The following REPS1 variants were observed in gnomAD, a reference collection of about 807,000 sequenced individuals.
The protein encoded by REPS1 is RALBP1 associated Eps domain containing 1.
Under a neutral mutation model 100.9 loss-of-function variants are expected in REPS1, and 39 were observed. That is an observed-to-expected ratio of 0.39 (90% CI 0.30 to 0.50). The LOEUF is 0.50. Among genes scored for constraint, REPS1 ranks in the 20% least tolerant of loss-of-function variants. The probability of loss-of-function intolerance (pLI) is 0.86; values close to 1 mark genes in which losing one functional copy is unlikely to be tolerated. For synonymous variants in REPS1, 324 were observed against 340.3 expected, an observed-to-expected ratio of 0.95 and a Z score of 0.53; for missense variants, 821 against 968.5, an observed-to-expected ratio of 0.85 and a Z score of 2.02.
intron 1 of REPS1, among the ~76,000 whole-genome samples, chr6:138,967,785 T>C (rs558038192): frequency 2.0e-5 from 3 of 152,234 alleles, no homozygotes; most frequent in South Asian, 2.1e-4. Flanking sequence ...ATAACAACAG[T>C]ATTAGCTAAC....
intron 8 of REPS1, among the ~76,000 whole-genome samples, chr6:138,936,006 G>A (rs1331512131): frequency 6.6e-6 from 1 of 152,082 alleles, no homozygotes; most frequent in African/African-American, 2.4e-5. Flanking sequence ...TCAAGATCCA[G>A]TACTGAACAA....
At chr6:138,920,806 C>A (rs1311221261) in intron 11 of REPS1, among the ~76,000 whole-genome samples, 1 of 152,084 alleles carries the variant, frequency 6.6e-6, no homozygotes, top group East Asian at 1.9e-4. Context: ...TAAAAACCCA[C>A]GGGGTATTAG....
rs116814498 is a variant in REPS1, at chr6:138,912,766, G to A, written c.1970C>T (p.Pro657Leu). ...TTAGCCAAGCCCTCGAAAACTGACCGGCAGGACTTCTGGATGTTTCTCGGC... is the reference window on the plus strand; with the variant it reads ...TTAGCCAAGCCCTCGAAAACTGACCAGCAGGACTTCTGGATGTTTCTCGGC... ...DEAEKHPEVL[P>L]AEKASDPASS... Residue 657 changes from proline to leucine, a missense_variant and splice_region_variant, in exon 16 of 20, where the codon CCG (proline) becomes CTG (leucine). By Grantham distance (98) the Pro-to-Leu change is moderately conservative (BLOSUM62 -3). Coordinates refer to ENST00000450536, the MANE Select transcript of REPS1 (RefSeq NM_001286611.2). 685 of 1,614,082 alleles carry A rather than the reference G, an allele frequency of 4.2e-4. 3 individuals are homozygous for A. The African/African-American group carries it at 7.8e-3, about 18-fold the overall frequency.
intron 1 of REPS1, among the ~76,000 whole-genome samples, chr6:138,981,372 C>G (rs977895344): frequency 4.7e-5 from 7 of 149,112 alleles, no homozygotes; most frequent in African/African-American, 1.8e-4. Flanking sequence ...ATTTCTTACA[C>G]AGAGGGAAAA....
chr6:138,971,888 G>GCTGT (rs1351006897), intron 1 of REPS1, among the ~76,000 whole-genome samples: 1 of 152,162 alleles, frequency 6.6e-6, no homozygotes, highest in Non-Finnish European at 1.5e-5. Flanking sequence ...GTCTATGAAT[G>GCTGT]CACAGCCAAG....
At chr6:138,949,889 G>T (rs1782903687) in intron 1 of REPS1, among the ~76,000 whole-genome samples, 1 of 152,110 alleles carries the variant, frequency 6.6e-6, no homozygotes, top group African/African-American at 2.4e-5. Flanking sequence ...GAATGCAGCA[G>T]ATGGAGCTGA....
At chr6:138,924,371 TTA>T (rs1479258930) in intron 10 of REPS1, among the ~76,000 whole-genome samples, 1 of 152,198 alleles carries the variant, frequency 6.6e-6, no homozygotes, top group African/African-American at 2.4e-5. Flanking sequence ...CCACATAATT[TTA>T]GACACTAGAG....
At chr6:138,939,047 G>A (rs1188884) in intron 8 of REPS1, among the ~76,000 whole-genome samples, 55,254 of 151,450 alleles carry the variant, frequency 0.36, 11,884 homozygotes, top group Admixed American at 0.51. Flanking sequence ...GGATACTGAC[G>A]GACCCACAGT....
At chr6:138,987,406 GC>G (rs1785331641) in intron 1 of REPS1, 123 bp downstream of exon 1, 1 of 1,085,754 alleles carries the variant, frequency 9.2e-7, no homozygotes, top group Non-Finnish European at 1.3e-6. Context: ...GCCCCTGCCC[GC>G]TGCGGGGACC....
At chr6:138,925,791 T>C (rs530086685) in intron 10 of REPS1, among the ~76,000 whole-genome samples, 65 of 152,270 alleles carry the variant, frequency 4.3e-4, no homozygotes, top group Non-Finnish European at 7.1e-4. Flanking sequence ...ATTAACTCTA[T>C]GGGGACAGAA....
intron 12 of REPS1, 90 bp downstream of exon 12, chr6:138,920,125 G>T: frequency 1.4e-6 from 1 of 725,462 alleles, no homozygotes. Context: ...ATCTAGTGAA[G>T]ACGGTATTAA....
chr6:138,979,376 T>C (rs1294440363), intron 1 of REPS1, among the ~76,000 whole-genome samples: 1 of 152,038 alleles, frequency 6.6e-6, no homozygotes, highest in Non-Finnish European at 1.5e-5. Context: ...AAGATTTCCT[T>C]TATATCCTCA....
chr6:138,938,005 CT>C (rs34900381), intron 8 of REPS1, among the ~76,000 whole-genome samples: 33 of 148,372 alleles, frequency 2.2e-4, no homozygotes, highest in Admixed American at 4.7e-4. Context: ...TCATCTTAAT[CT>C]TTTTTTTTTT....
At chr6:138,974,240 A>G (rs569837382) in intron 1 of REPS1, among the ~76,000 whole-genome samples, 1 of 152,182 alleles carries the variant, frequency 6.6e-6, no homozygotes, top group Non-Finnish European at 1.5e-5. Context: ...AACCTCAAGA[A>G]ATCTGTCTAC....
At chr6:138,983,511 T>C (rs570469915) in intron 1 of REPS1, among the ~76,000 whole-genome samples, 1 of 152,114 alleles carries the variant, frequency 6.6e-6, no homozygotes, top group Non-Finnish European at 1.5e-5. Flanking sequence ...CACAAGGTTG[T>C]TGCAAGAATC....
chr6:138,916,784 T>TACCAAA (rs1299202674), intron 13 of REPS1, among the ~76,000 whole-genome samples: 1 of 152,180 alleles, frequency 6.6e-6, no homozygotes. Flanking sequence ...ACTTCTTTGC[T>TACCAAA]ACCAAAGTCT....
Position 138,905,064 on chromosome 6 carries a change from T to C in REPS1, c.2391A>G (p.Ter797=). The change falls in exon 20 of 20, where the codon TAA becomes TAG. Residue 797 remains the stop codon, a stop_retained_variant. Coordinates refer to ENST00000450536, the MANE Select transcript of REPS1 (RefSeq NM_001286611.2). The part of the protein sequence containing the change: ...LEQLRPFSHL[*] ...ATGTTCACAGTTAACGGCAATTGGC[T>C]TATAGGTGAGAGAATGGTCGAAGTT... 1 of 1,613,922 alleles carries C rather than the reference T, an allele frequency of 6.2e-7. No homozygotes were observed. The highest frequency in any genetic ancestry group is 8.5e-7 in the Non-Finnish European group (1 of 1,179,852).
chr6:138,961,878 C>T (rs183454576), intron 1 of REPS1, among the ~76,000 whole-genome samples: 2 of 152,200 alleles, frequency 1.3e-5, no homozygotes, highest in Admixed American at 1.3e-4. Context: ...TATGAATTAG[C>T]AAAACTGGCA....
Position 138,962,562 on chromosome 6 carries a change from T to C in REPS1, c.154-14649A>G, listed in dbSNP as rs113777219. Among the ~76,000 whole-genome samples the C allele has an allele frequency of 6.2e-3, 945 of 152,282 alleles. 9 individuals are homozygous for C. Among genetic ancestry groups the C allele is most frequent in the African/African-American group, 0.022 (897 of 41,542 alleles). On this transcript the variant is annotated intron_variant, in intron 1 of 19. Coordinates refer to ENST00000450536, the MANE Select transcript of REPS1 (RefSeq NM_001286611.2). ...CCAGTATGTCAGTACAGCCCTTAAA[T>C]ACATATTCCAATAGAATAAATAATA...
Sources: allele counts gnomAD v4.1 joint callset (sites outside exome capture counted in the v4.1 genomes callset), GRCh38; gene constraint gnomAD v4.1.1; transcripts MANE v1.5; gene names NCBI Gene and HGNC (gene_info 2026-07-23, HGNC 2026-07-21).